Variants in POU2F3 observed in about 807,000 individuals in gnomAD.
POU2F3 encodes POU class 2 homeobox 3.
POU2F3 carries 23 observed loss-of-function variants against 59.2 expected under a neutral mutation model. That is an observed-to-expected ratio of 0.39 (90% CI 0.28 to 0.55). POU2F3 has a LOEUF of 0.55. Among genes scored for constraint, POU2F3 ranks in the 20% least tolerant of loss-of-function variants. The pLI is 0.66. For missense variants in POU2F3, 473 were observed against 544.5 expected, an observed-to-expected ratio of 0.87 and a Z score of 1.31; for synonymous variants, 190 against 214.6, an observed-to-expected ratio of 0.89 and a Z score of 1.00.
chr11:120,264,190 T>TAC (rs35186745), intron 2 of POU2F3, among the ~76,000 whole-genome samples: 13,227 of 132,964 alleles, frequency 0.099, 646 homozygotes, highest in Middle Eastern at 0.15. Flanking sequence ...TAAGACCTCA[T>TAC]ACACACACAC....
chr11:120,307,149 C>A (rs1010230932), intron 8 of POU2F3, among the ~76,000 whole-genome samples: 4 of 152,246 alleles, frequency 2.6e-5, no homozygotes, highest in East Asian at 3.8e-4. Flanking sequence ...CCCCCTTACA[C>A]CCACATGTGT....
rs555408995 is a variant in POU2F3, at chr11:120,269,064, C to T, written c.98-146C>T. On this transcript the variant is annotated intron_variant, in intron 2 of 12. Coordinates refer to ENST00000543440, the MANE Select transcript of POU2F3 (RefSeq NM_014352.4). ...CCAAAGGCGTTTCCAGGAAACAGGT[C>T]GAGGAGGAGGATCCCAACCACAAGC... The T allele has an allele frequency of 1.0e-4, 60 of 583,656 alleles. No homozygotes were observed. The South Asian group carries it at 1.2e-3, about 11-fold the overall frequency. The allele number at this position is 583,656 out of a possible 1,614,324, so 36.2% of individuals were successfully genotyped here.
At position 120,305,742 on chromosome 11, in the gene POU2F3, G is replaced by A; in HGVS notation, c.726G>A (p.Met242Ile). The A allele has an allele frequency of 6.2e-7, 1 of 1,613,928 alleles. No individual in the cohort carries two copies. The highest frequency in any genetic ancestry group is 8.5e-7 in the Non-Finnish European group (1 of 1,180,038). ...FEALNLSFKN[M>I]CKLKPLLEKW... Reference sequence around the variant, plus strand: ...CCCTCAACCTGAGCTTCAAGAACATGTGCAAGCTCAAGCCCCTGCTGGAGA... The same window carrying A: ...CCCTCAACCTGAGCTTCAAGAACATATGCAAGCTCAAGCCCCTGCTGGAGA... The change falls in exon 8 of 13, where the codon ATG becomes ATA. Residue 242 changes from methionine to isoleucine, a missense_variant. Met to Ile is a conservative substitution (Grantham distance 10, BLOSUM62 1). Transcript: ENST00000543440.
In POU2F3 at chr11:120,240,364, G is replaced by C; in HGVS notation, c.21G>C (p.Met7Ile). The change falls in exon 1 of 13, where the codon ATG (methionine) becomes ATC (isoleucine). Residue 7 changes from methionine (M) to isoleucine (I), a missense_variant. Coordinates refer to ENST00000543440, the MANE Select transcript of POU2F3 (RefSeq NM_014352.4). The part of the protein sequence containing the change: MVNLES[M>I]HTDIKMSGDV... ...GCAGGATGGTGAATCTGGAGTCCATGCACACAGGTGAGGGGCGGAGGGAAT... is the reference window on the plus strand; with the variant it reads ...GCAGGATGGTGAATCTGGAGTCCATCCACACAGGTGAGGGGCGGAGGGAAT... 7.0e-7 allele frequency: 1 copy of C among 1,432,470 alleles called. No individual in the cohort carries two copies. The highest frequency in any genetic ancestry group is 9.2e-7 in the Non-Finnish European group (1 of 1,082,788). The allele number at this position is 1,432,470 out of a possible 1,614,324, so 88.7% of individuals were successfully genotyped here.
chr11:120,291,934 G>A (rs957859740), intron 3 of POU2F3, among the ~76,000 whole-genome samples: 16 of 151,566 alleles, frequency 1.1e-4, no homozygotes, highest in African/African-American at 3.9e-4. Context: ...TCAGCCCCCT[G>A]AGTAGCTGGG....
chr11:120,280,624 G>C (rs1392633148), intron 3 of POU2F3, among the ~76,000 whole-genome samples: 1 of 142,428 alleles, frequency 7.0e-6, no homozygotes, highest in Admixed American at 7.3e-5. Context: ...CAGAGAGAGA[G>C]AGAGAAAAAG....
At chr11:120,252,130 C>T (rs114221824) in intron 2 of POU2F3, among the ~76,000 whole-genome samples, 114 of 151,540 alleles carry the variant, frequency 7.5e-4, no homozygotes, top group African/African-American at 2.6e-3. Flanking sequence ...ATCCTCAGTG[C>T]CTGGAAGTCC....
intron 3 of POU2F3, among the ~76,000 whole-genome samples, chr11:120,273,737 C>A (rs545706269): frequency 6.6e-6 from 1 of 152,228 alleles, no homozygotes; most frequent in African/African-American, 2.4e-5. Context: ...GCACACAGGC[C>A]AGGCGCAGTG....
At chr11:120,287,730 A>T (rs1173704214) in intron 3 of POU2F3, among the ~76,000 whole-genome samples, 1 of 152,210 alleles carries the variant, frequency 6.6e-6, no homozygotes, top group Non-Finnish European at 1.5e-5. Flanking sequence ...GTAACAGGAT[A>T]GGCACTTAGT....
intron 2 of POU2F3, among the ~76,000 whole-genome samples, chr11:120,267,508 C>T (rs868159274): frequency 1.3e-5 from 2 of 149,326 alleles, no homozygotes; most frequent in Admixed American, 6.6e-5. Context: ...TCTCGGGACC[C>T]CACCTGCTCT....
At chr11:120,301,727 C>G (rs1480241991) in intron 5 of POU2F3, 6 of 153,514 alleles carry the variant, frequency 3.9e-5, no homozygotes, top group Admixed American at 2.0e-4. Context: ...TCCCTCCTCT[C>G]TCAGCCCTCT....
chr11:120,296,264 A>G (rs1428884444), intron 3 of POU2F3, among the ~76,000 whole-genome samples: 1 of 152,116 alleles, frequency 6.6e-6, no homozygotes, highest in Non-Finnish European at 1.5e-5. Flanking sequence ...GGTTTTGCTT[A>G]TGTCTTTTGT....
At chr11:120,305,890 C>T (rs888822702) in intron 8 of POU2F3, 105 bp downstream of exon 8, 1 of 1,367,206 alleles carries the variant, frequency 7.3e-7, no homozygotes, top group Non-Finnish European at 9.9e-7. Flanking sequence ...CTAACACCCC[C>T]TTCTTCTCCT....
intron 10 of POU2F3, among the ~76,000 whole-genome samples, chr11:120,311,862 G>C (rs1320444647): frequency 6.6e-6 from 1 of 152,154 alleles, no homozygotes; most frequent in Admixed American, 6.5e-5. Context: ...GATGGGCAAA[G>C]GAAGAGTATC....
intron 2 of POU2F3, chr11:120,261,146 T>C (rs1188726346): frequency 7.1e-6 from 1 of 140,820 alleles, no homozygotes; most frequent in Non-Finnish European, 1.5e-5. Context: ...GACATGGTTT[T>C]TTTTTTTGTT....
chr11:120,246,342 T>G, intron 1 of POU2F3, 107 bp from the exon 2 acceptor site: 2 of 1,123,162 alleles, frequency 1.8e-6, no homozygotes, highest in Non-Finnish European at 2.7e-6. Flanking sequence ...GAAAGTCTGA[T>G]GGTTGTTGTA....
chr11:120,318,478 C>A lies in POU2F3; in HGVS notation c.*86C>A. The A allele has an allele frequency of 7.3e-7, 1 of 1,366,160 alleles. No individual in the cohort carries two copies. Among genetic ancestry groups the A allele is most frequent in the South Asian group, 1.2e-5 (1 of 83,710 alleles). The allele number at this position is 1,366,160 out of a possible 1,614,324, so 84.6% of individuals were successfully genotyped here. The stretch of plus-strand genomic sequence containing the variant: ...TGCCTTCTATATACAGACAGATTGC[C>A]TTCAGAAGAGTGGAAGAAAATCTCC... On this transcript the variant is annotated 3_prime_UTR_variant, in exon 13 of 13. Coordinates refer to ENST00000543440, the MANE Select transcript of POU2F3 (RefSeq NM_014352.4).
At chr11:120,262,973 T>G (rs1939664975) in intron 2 of POU2F3, among the ~76,000 whole-genome samples, 1 of 103,376 alleles carries the variant, frequency 9.7e-6, no homozygotes. Flanking sequence ...ATTTATTTAT[T>G]TATTTATTTA....
chr11:120,242,673 C>T (rs150494907), intron 1 of POU2F3, among the ~76,000 whole-genome samples: 2 of 152,286 alleles, frequency 1.3e-5, no homozygotes, highest in South Asian at 4.1e-4. Flanking sequence ...GGGCTCCACT[C>T]GCACTGAGGC....
Sources: allele counts gnomAD v4.1 joint callset (sites outside exome capture counted in the v4.1 genomes callset), GRCh38; gene constraint gnomAD v4.1.1; transcripts MANE v1.5; gene names NCBI Gene and HGNC (gene_info 2026-07-23, HGNC 2026-07-21).